PARM1: variants seen among roughly 807,000 people sequenced by gnomAD.
The protein encoded by PARM1 is WSC4, cell wall integrity and stress response component 4 homolog.
In PARM1, 14 loss-of-function variants were observed where a neutral mutation model predicts 24.6. The observed-to-expected ratio is 0.57, with a 90% CI of 0.38 to 0.89. The LOEUF (loss-of-function observed/expected upper bound fraction) is 0.89, where lower values mean the gene tolerates loss of function less well. Among genes scored for constraint, PARM1 ranks in the 40% least tolerant of loss-of-function variants. PARM1 has a pLI of 0.00. For missense variants in PARM1, 362 were observed against 380.4 expected, an observed-to-expected ratio of 0.95 and a Z score of 0.40; for synonymous variants, 179 against 156.6, an observed-to-expected ratio of 1.14 and a Z score of -1.07.
At chr4:74,933,588 C>G (rs1034883061) in intron 1 of PARM1, among the ~76,000 whole-genome samples, 2 of 152,314 alleles carry the variant, frequency 1.3e-5, no homozygotes, top group Admixed American at 6.5e-5. Flanking sequence ...TGCCGCAGCC[C>G]GCGCCCGCAC....
chr4:74,933,419 G>C (rs373323118), intron 1 of PARM1, 49 bp downstream of exon 1: 13 of 1,545,334 alleles, frequency 8.4e-6, no homozygotes, highest in Non-Finnish European at 9.8e-6. Flanking sequence ...GTGGGCCCCA[G>C]TAGCTAGCGC....
Position 75,013,050 on chromosome 4 carries a change from A to G in PARM1, c.669A>G (p.Thr223=). The change falls in exon 2 of 4, where the codon ACA becomes ACG. Residue 223 remains threonine (T), a synonymous_variant. Transcript: ENST00000307428. ...EPVPQEKTPP[T]TVSGKVMCEL... is the part of the protein sequence containing the mutation. ...TACCCCAGGAGAAAACACCCCCAAC[A>G]ACTGTGTCAGGCAAAGTGATGTGTG... The G allele has an allele frequency of 6.2e-7, 1 of 1,613,914 alleles. No homozygotes were observed. Among genetic ancestry groups the G allele is most frequent in the Non-Finnish European group, 8.5e-7 (1 of 1,179,880 alleles).
chr4:75,007,937 A>T (rs1219042620), intron 1 of PARM1, among the ~76,000 whole-genome samples: 1 of 152,256 alleles, frequency 6.6e-6, no homozygotes, highest in East Asian at 1.9e-4. Context: ...TGAATCAGAC[A>T]GCACTTTGAT....
chr4:74,976,428 G>T (rs1722139214), intron 1 of PARM1, among the ~76,000 whole-genome samples: 2 of 152,182 alleles, frequency 1.3e-5, no homozygotes, highest in Admixed American at 1.3e-4. Context: ...CTAGCCAGGG[G>T]TTTACAGACA....
At chr4:74,999,923 G>T (rs1722645158) in intron 1 of PARM1, among the ~76,000 whole-genome samples, 1 of 152,024 alleles carries the variant, frequency 6.6e-6, no homozygotes, top group African/African-American at 2.4e-5. Flanking sequence ...TTTTTAATAA[G>T]GTGGAAAAAC....
intron 2 of PARM1, among the ~76,000 whole-genome samples, chr4:75,020,075 T>C (rs1723064205): frequency 6.8e-6 from 1 of 147,434 alleles, no homozygotes; most frequent in East Asian, 2.0e-4. Context: ...TTGTAGTAAG[T>C]TAATGACCAT....
intron 2 of PARM1, 96 bp from the exon 3 acceptor site, chr4:75,033,787 T>C (rs1723316107): frequency 2.4e-6 from 2 of 836,356 alleles, no homozygotes; most frequent in South Asian, 2.1e-5. Context: ...AGAGAAAAGA[T>C]GGGATCAGGC....
intron 1 of PARM1, among the ~76,000 whole-genome samples, chr4:74,950,559 C>T (rs1560773265): frequency 6.6e-6 from 1 of 152,186 alleles, no homozygotes; most frequent in Non-Finnish European, 1.5e-5. Context: ...GACATTCACA[C>T]GTACTAGAGG....
At chr4:74,936,838 C>T (rs796303590) in intron 1 of PARM1, among the ~76,000 whole-genome samples, 6 of 152,244 alleles carry the variant, frequency 3.9e-5, no homozygotes, top group African/African-American at 1.4e-4. Context: ...AAGGCATTTT[C>T]TGAATACTCA....
At position 75,039,743 on chromosome 4, in the gene PARM1, A is replaced by G. The variant is rs190754670; in HGVS notation, c.848+5782A>G. On this transcript the variant is annotated intron_variant, in intron 3 of 3. Transcript: ENST00000307428. ...TACCCATTTCTAACACTCCAAACAC[A>G]CTCTCTGCTGTACAGTTTCCCAGAT... Among the ~76,000 whole-genome samples, 7 of 151,560 alleles carry G rather than the reference A, an allele frequency of 4.6e-5. No homozygotes were observed. The East Asian group carries it at 1.4e-3, about 29-fold the overall frequency.
rs752040682 is a variant in PARM1 at position 75,033,981 on chromosome 4, T to TA, written c.848+28dup. 171 of 1,565,750 alleles carry TA rather than the reference T, an allele frequency of 1.1e-4. 1 individual carries two copies. The highest frequency in any genetic ancestry group is 2.3e-4 in the South Asian group (20 of 85,414). ...AATCAGGTGAGACGCAGCTTACTCT[T>TA]AAAAAAAAGGGATTCTGTTTTGTTG... On this transcript the variant is annotated intron_variant, in intron 3 of 3. Coordinates refer to ENST00000307428, the MANE Select transcript of PARM1 (RefSeq NM_015393.4).
intron 1 of PARM1, among the ~76,000 whole-genome samples, chr4:74,936,391 G>A (rs918605169): frequency 6.6e-6 from 1 of 151,762 alleles, no homozygotes; most frequent in South Asian, 2.1e-4. Context: ...TGCTCCCCTC[G>A]GGATTCTCTT....
At chr4:75,017,438 C>A (rs976045274) in intron 2 of PARM1, among the ~76,000 whole-genome samples, 4 of 152,122 alleles carry the variant, frequency 2.6e-5, no homozygotes, top group Non-Finnish European at 5.9e-5. Flanking sequence ...TACCATCCCC[C>A]CTATCTAGAA....
At chr4:75,046,115 T>G (rs1167029959) in intron 3 of PARM1, 48 bp from the exon 4 acceptor site, 5 of 1,289,636 alleles carry the variant, frequency 3.9e-6, no homozygotes, top group African/African-American at 1.5e-5. Context: ...TGTCCTCAGA[T>G]GGGCAACTTT....
rs1432776007 is a variant in PARM1 at position 75,013,579 on chromosome 4, AAT to A, written c.769+430_769+431del. Among the ~76,000 whole-genome samples, 38 of 152,382 alleles carry A rather than the reference AAT, an allele frequency of 2.5e-4. No homozygotes were observed. The South Asian group carries it at 7.0e-3, about 28-fold the overall frequency. On this transcript the variant is annotated intron_variant, in intron 2 of 3. Coordinates refer to ENST00000307428, the MANE Select transcript of PARM1 (RefSeq NM_015393.4). ...CACAGTTCTTGTGGAGATTAACTGA[AAT>A]GACATAAAGCACTTAGAACAGTTCC...
chr4:75,025,150 C>T (rs2109803648), intron 2 of PARM1, among the ~76,000 whole-genome samples: 1 of 152,342 alleles, frequency 6.6e-6, no homozygotes, highest in South Asian at 2.1e-4. Context: ...CGGTGGCATG[C>T]TAACTGCAGT....
intron 1 of PARM1, among the ~76,000 whole-genome samples, chr4:74,968,602 G>T (rs1180284960): frequency 6.6e-6 from 1 of 152,214 alleles, no homozygotes; most frequent in Non-Finnish European, 1.5e-5. Flanking sequence ...TCAGCCCCTG[G>T]ATGTGGTCTT....
intron 2 of PARM1, among the ~76,000 whole-genome samples, chr4:75,015,916 G>T (rs1405686185): frequency 1.3e-5 from 2 of 152,154 alleles, no homozygotes; most frequent in African/African-American, 2.4e-5. Flanking sequence ...ATTTTGGGAT[G>T]CTCTTATTTA....
intron 1 of PARM1, among the ~76,000 whole-genome samples, chr4:74,984,072 T>A (rs933367123): frequency 6.6e-6 from 1 of 152,206 alleles, no homozygotes; most frequent in Non-Finnish European, 1.5e-5. Context: ...GGCTATTTCT[T>A]ATCATCTTTT....
Sources: gnomAD v4.1 joint callset for allele counts (sites outside exome capture counted in the v4.1 genomes callset) on GRCh38, gnomAD v4.1.1 for gene constraint, MANE v1.5 for transcripts, NCBI Gene and HGNC (gene_info 2026-07-23, HGNC 2026-07-21) for gene names.